Variants in KCNIP1 observed in about 807,000 individuals in gnomAD.
The protein encoded by KCNIP1 is A-type potassium channel modulatory protein KCNIP1.
KCNIP1 carries 18 observed loss-of-function variants against 33.0 expected under a neutral mutation model. The ratio of observed to expected loss-of-function variants is 0.55; its 90% CI spans 0.38 to 0.81. The LOEUF is 0.81. Among genes scored for constraint, KCNIP1 ranks in the 30% least tolerant of loss-of-function variants. KCNIP1 has a pLI of 0.00. For missense variants in KCNIP1, 238 were observed against 271.6 expected, an observed-to-expected ratio of 0.88 and a Z score of 0.87; for synonymous variants, 93 against 98.3, an observed-to-expected ratio of 0.95 and a Z score of 0.32.
chr5:170,407,352 G>T (rs1453629243), intron 1 of KCNIP1, among the ~76,000 whole-genome samples: 1 of 152,228 alleles, frequency 6.6e-6, no homozygotes, highest in Non-Finnish European at 1.5e-5. Context: ...AACATTTATA[G>T]ATCTAAGGAT....
At position 170,722,818 on chromosome 5, in the gene KCNIP1, G is replaced by A. The variant is rs1763873294; in HGVS notation, c.433G>A (p.Glu145Lys). The A allele has an allele frequency of 1.2e-6, 2 of 1,603,570 alleles. No homozygotes were observed. The highest frequency in any genetic ancestry group is 1.7e-6 in the Non-Finnish European group (2 of 1,170,724). Residue 145 changes from glutamate (E) to lysine (K), a missense_variant and splice_region_variant, in exon 5 of 8, where the codon GAG (glutamate) becomes AAG (lysine). Physicochemically the swap from Glu to Lys is moderately conservative, Grantham distance 56 (BLOSUM62 1). Coordinates refer to ENST00000328939, the MANE Select transcript of KCNIP1 (RefSeq NM_014592.4). ...DINKDGYINK[E>K]EMMDIVKAIY... Reference sequence around the variant, plus strand: ...CAACAAGGACGGATACATAAACAAAGAGGTAAGTGAGCTGGGGCCAGGGGT... The same window carrying A: ...CAACAAGGACGGATACATAAACAAAAAGGTAAGTGAGCTGGGGCCAGGGGT...
At chr5:170,584,503 T>C (rs1300605250) in intron 1 of KCNIP1, among the ~76,000 whole-genome samples, 2 of 152,074 alleles carry the variant, frequency 1.3e-5, no homozygotes, top group Non-Finnish European at 2.9e-5. Flanking sequence ...AGGTTTGGGC[T>C]CAGAGGAATA....
intron 1 of KCNIP1, among the ~76,000 whole-genome samples, chr5:170,430,324 G>C (rs924424627): frequency 1.2e-4 from 18 of 152,280 alleles, no homozygotes; most frequent in African/African-American, 3.8e-4. Context: ...TACATTTACT[G>C]TCTCAGGTTC....
intron 1 of KCNIP1, among the ~76,000 whole-genome samples, chr5:170,568,387 A>G (rs1429882883): frequency 2.0e-5 from 3 of 152,102 alleles, no homozygotes; most frequent in Admixed American, 2.0e-4. Context: ...CTTAAAGTCC[A>G]TAAACTTCCT....
chr5:170,560,553 G>A (rs1410373138), intron 1 of KCNIP1, among the ~76,000 whole-genome samples: 3 of 152,066 alleles, frequency 2.0e-5, no homozygotes, highest in East Asian at 3.9e-4. Context: ...CAGCAGTGTT[G>A]TGCCCCCGGG....
At chr5:170,642,755 G>A (rs1760623696) in intron 1 of KCNIP1, among the ~76,000 whole-genome samples, 1 of 152,218 alleles carries the variant, frequency 6.6e-6, no homozygotes, top group Admixed American at 6.5e-5. Flanking sequence ...AAACCTGGGA[G>A]AGTTGAATTC....
At chr5:170,378,527 C>T (rs1163785180) in intron 1 of KCNIP1, 1 of 736,882 alleles carries the variant, frequency 1.4e-6, no homozygotes, top group Non-Finnish European at 2.2e-6. Flanking sequence ...CTTGAGCAGG[C>T]AATGACTTCA....
chr5:170,528,625 G>A (rs1292402483), intron 1 of KCNIP1, among the ~76,000 whole-genome samples: 1 of 152,184 alleles, frequency 6.6e-6, no homozygotes, highest in Non-Finnish European at 1.5e-5. Flanking sequence ...GAAGGGTTTT[G>A]TGGGATGTCA....
At chr5:170,383,576 A>G (rs909681816) in intron 1 of KCNIP1, 5 of 1,290,376 alleles carry the variant, frequency 3.9e-6, no homozygotes, top group South Asian at 1.2e-5. Context: ...GACCTGGTCA[A>G]GTGGGTTGAT....
At chr5:170,668,622 C>G (rs1171675349) in intron 1 of KCNIP1, among the ~76,000 whole-genome samples, 1 of 152,222 alleles carries the variant, frequency 6.6e-6, no homozygotes, top group Non-Finnish European at 1.5e-5. Flanking sequence ...GGCTCAGGTT[C>G]CAGAACCCAG....
At chr5:170,585,829 G>A (rs1187750089) in intron 1 of KCNIP1, among the ~76,000 whole-genome samples, 1 of 152,322 alleles carries the variant, frequency 6.6e-6, no homozygotes, top group East Asian at 1.9e-4. Context: ...CCTTTCACCA[G>A]CACGGCTGTC....
intron 1 of KCNIP1, among the ~76,000 whole-genome samples, chr5:170,569,996 A>G (rs1757344153): frequency 6.6e-6 from 1 of 152,202 alleles, no homozygotes; most frequent in African/African-American, 2.4e-5. Context: ...GACCATTGTC[A>G]TGGATGGGGA....
chr5:170,614,885 G>A (rs544902612), intron 1 of KCNIP1, among the ~76,000 whole-genome samples: 18 of 152,274 alleles, frequency 1.2e-4, no homozygotes, highest in East Asian at 1.9e-4. Context: ...CTCTCAGTGC[G>A]TGCTGTAAGG....
chr5:170,715,929 T>C (rs557654500), intron 1 of KCNIP1, among the ~76,000 whole-genome samples: 1 of 152,324 alleles, frequency 6.6e-6, no homozygotes, highest in East Asian at 1.9e-4. Context: ...TCTCTCCTCC[T>C]GCACACAGGG....
At chr5:170,425,068 G>T (rs1755582396) in intron 1 of KCNIP1, among the ~76,000 whole-genome samples, 1 of 152,010 alleles carries the variant, frequency 6.6e-6, no homozygotes, top group Non-Finnish European at 1.5e-5. Flanking sequence ...CTGTACCCTG[G>T]ATTGAAAACA....
At chr5:170,560,285 A>G (rs1291169993) in intron 1 of KCNIP1, among the ~76,000 whole-genome samples, 3 of 152,166 alleles carry the variant, frequency 2.0e-5, no homozygotes, top group Non-Finnish European at 4.4e-5. Flanking sequence ...CGAGACGTAC[A>G]TGCCCAGCAC....
At chr5:170,452,993 G>A (rs1346158984) in intron 1 of KCNIP1, among the ~76,000 whole-genome samples, 1 of 152,184 alleles carries the variant, frequency 6.6e-6, no homozygotes, top group Non-Finnish European at 1.5e-5. Context: ...GCCTTCTTGA[G>A]GAACAGGATT....
chr5:170,717,016 G>T (rs992918104), intron 1 of KCNIP1, among the ~76,000 whole-genome samples: 3 of 152,120 alleles, frequency 2.0e-5, no homozygotes, highest in Non-Finnish European at 4.4e-5. Flanking sequence ...CGTACCCAGG[G>T]AATTCCTAAG....
At chr5:170,361,290 G>A (rs774109513) in intron 1 of KCNIP1, among the ~76,000 whole-genome samples, 14 of 152,142 alleles carry the variant, frequency 9.2e-5, no homozygotes, top group African/African-American at 1.2e-4. Context: ...TAGGCCTCCC[G>A]GGCCAGCTGG....
Sources: gnomAD v4.1 joint callset for allele counts (sites outside exome capture counted in the v4.1 genomes callset) on GRCh38, gnomAD v4.1.1 for gene constraint, MANE v1.5 for transcripts, NCBI Gene and HGNC (gene_info 2026-07-23, HGNC 2026-07-21) for gene names.